The following WDR77 variants were observed in gnomAD, a reference collection of about 807,000 sequenced individuals.
WDR77 encodes the protein methylosome protein WDR77.
WDR77 carries 31 observed loss-of-function variants against 44.0 expected under a neutral mutation model. The observed-to-expected ratio is 0.70, with a 90% CI of 0.53 to 0.95. WDR77 has a LOEUF of 0.95. Ranked by LOEUF, WDR77 falls within the 40% of genes least tolerant of loss-of-function variation. The pLI, the probability that WDR77 is intolerant of heterozygous loss-of-function variation, is 0.00. For missense variants in WDR77, 390 were observed against 423.9 expected (o/e 0.92, Z 0.70); for synonymous variants, 186 against 165.7 (o/e 1.12, Z -0.94).
intron 1 of WDR77, 122 bp from the exon 2 acceptor site, chr1:111,448,926 G>GAC: frequency 6.5e-7 from 1 of 1,532,496 alleles, no homozygotes; most frequent in African/African-American, 1.4e-5. Context: ...CAGGGCTGGG[G>GAC]ACAGCTCGGT....
intron 3 of WDR77, 45 bp from the exon 4 acceptor site, chr1:111,447,189 T>C: frequency 6.2e-7 from 1 of 1,608,446 alleles, no homozygotes; most frequent in Non-Finnish European, 8.5e-7. Context: ...ACCTACACTA[T>C]CAACATAAAA....
At position 111,440,679 on chromosome 1, in the gene WDR77, T is replaced by C. The variant is rs1571363072; in HGVS notation, c.*551A>G. On this transcript the variant is annotated 3_prime_UTR_variant, in exon 10 of 10. Transcript: ENST00000235090. Reference sequence around the variant, plus strand: ...GATTCAGTTTAATGGTAAGGAGTTGTGTAAAACCGTACCAAGTCCTGCTTC... The same window carrying C: ...GATTCAGTTTAATGGTAAGGAGTTGCGTAAAACCGTACCAAGTCCTGCTTC... 6.6e-6 allele frequency: 1 copy of C among 152,250 alleles called. No individual in the cohort carries two copies. The highest frequency in any genetic ancestry group is 2.4e-5 in the African/African-American group (1 of 41,458). The allele number at this position is 152,250 out of a possible 1,614,324, so 9.4% of individuals were successfully genotyped here.
rs747107777 is a variant in WDR77 at position 111,442,727 on chromosome 1, G to A, written c.726C>T (p.Thr242=). 6.3e-7 allele frequency: 1 copy of A among 1,599,836 alleles called. No homozygotes were observed. Among genetic ancestry groups the A allele is most frequent in the Admixed American group, 1.7e-5 (1 of 59,436 alleles). The change falls in exon 8 of 10, where the codon ACC becomes ACT. Residue 242 remains threonine (T), a synonymous_variant. Transcript: ENST00000235090. The stretch of plus-strand genomic sequence containing the variant: ...AGCTCAGGACACAGCTTGTACTCTT[G>A]GTGTCCACAAGGGAGACTGTCCCAT... ...DENGTVSLVD[T]KSTSCVLSSA...
chr1:111,449,072 G>T lies in WDR77; in HGVS notation c.98C>A (p.Ala33Asp), dbSNP rs554247846. ...APACMERQLE[A>D]ARYRSDGALL... ...CGGCTCACCGGACCGGTACCGCGCA[G>T]CCTCCAACTGCCGTTCCATGCAGGC... The change falls in exon 1 of 10, where the codon GCT becomes GAT. Residue 33 changes from alanine (A) to aspartate (D), a missense_variant. Physicochemically the swap from Ala to Asp is moderately radical, Grantham distance 126. Transcript: ENST00000235090. 1.9e-6 allele frequency: 3 copies of T among 1,598,534 alleles called. No homozygotes were observed. In the African/African-American group the frequency reaches 4.0e-5, roughly 21 times the overall value.
Position 111,443,310 on chromosome 1 carries a change from C to G in WDR77, c.691+13G>C. 6.4e-7 allele frequency: 1 copy of G among 1,551,166 alleles called. No homozygotes were observed. ...TTCCCAGAGTCAATATGAAGTCTGA[C>G]ACGCTGCCTTACCAAAGACAAAGAC... On this transcript the variant is annotated intron_variant, in intron 7 of 9. Transcript: ENST00000235090.
At chr1:111,444,019 G>A (rs756230164) in intron 5 of WDR77, 35 bp downstream of exon 5, 9 of 1,613,584 alleles carry the variant, frequency 5.6e-6, no homozygotes, top group Non-Finnish European at 7.6e-6. Flanking sequence ...ATGGATGGCT[G>A]GAGTGTGTTT....
At chr1:111,445,700 G>C (rs1398314772) in intron 4 of WDR77, among the ~76,000 whole-genome samples, 1 of 152,134 alleles carries the variant, frequency 6.6e-6, no homozygotes, top group Non-Finnish European at 1.5e-5. Flanking sequence ...CTGAAAAAGA[G>C]TTAGCATTAA....
At chr1:111,447,397 G>A (rs1243393978) in intron 3 of WDR77, 38 bp downstream of exon 3, 4 of 1,612,464 alleles carry the variant, frequency 2.5e-6, no homozygotes, top group Non-Finnish European at 3.4e-6. Context: ...GCACCCACAG[G>A]AGGCTTAGAG....
At chr1:111,442,896 A>G in intron 7 of WDR77, 135 bp from the exon 8 acceptor site, 1 of 562,430 alleles carries the variant, frequency 1.8e-6, no homozygotes, top group Non-Finnish European at 3.1e-6. Context: ...AGTAGGAATA[A>G]TAAGTCACTG....
chr1:111,449,139 G>A lies in WDR77; in HGVS notation c.31C>T (p.Pro11Ser). Residue 11 changes from proline to serine, a missense_variant, in exon 1 of 10, where the codon CCC (proline) becomes TCC (serine). Physicochemically the swap from Pro to Ser is moderately conservative, Grantham distance 74. Coordinates refer to ENST00000235090, the MANE Select transcript of WDR77 (RefSeq NM_024102.4). MRKETPPPLV[P>S]PAAREWNLPP... is the part of the protein sequence containing the mutation. ...AGATTCCACTCCCGGGCCGCCGGGGGCACTAGGGGGGGTGGGGTTTCCTTC... is the reference window on the plus strand; with the variant it reads ...AGATTCCACTCCCGGGCCGCCGGGGACACTAGGGGGGGTGGGGTTTCCTTC... 1.3e-6 allele frequency: 2 copies of A among 1,595,114 alleles called. No individual in the cohort carries two copies. Among genetic ancestry groups the A allele is most frequent in the Non-Finnish European group, 1.7e-6 (2 of 1,175,170 alleles).
chr1:111,445,577 T>C (rs1166316328), intron 4 of WDR77, among the ~76,000 whole-genome samples: 4 of 152,004 alleles, frequency 2.6e-5, no homozygotes, highest in East Asian at 3.9e-4. Context: ...CTGGGCAACA[T>C]AGCAAGACTC....
At position 111,442,998 on chromosome 1, in the gene WDR77, C is replaced by T. The variant is rs74109557; in HGVS notation, c.692-237G>A. On this transcript the variant is annotated intron_variant, in intron 7 of 9. Coordinates refer to ENST00000235090, the MANE Select transcript of WDR77 (RefSeq NM_024102.4). ...ATACACAGCCTCATGACCACGATAG[C>T]GCTACACCTACCCACAGTAGGACAG... Among the ~76,000 whole-genome samples, 60 of 152,272 alleles carry T rather than the reference C, an allele frequency of 3.9e-4. 1 individual carries two copies. The highest frequency in any genetic ancestry group is 1.4e-3 in the African/African-American group (58 of 41,540).
In WDR77 at chr1:111,443,873, G is replaced by C; in HGVS notation, c.613C>G (p.Gln205Glu). The change falls in exon 6 of 10, where the codon CAG (glutamine) becomes GAG (glutamate). Residue 205 changes from glutamine to glutamate, a missense_variant. By Grantham distance (29) the Gln-to-Glu change is conservative. Coordinates refer to ENST00000235090, the MANE Select transcript of WDR77 (RefSeq NM_024102.4). ...WDTRCPKPAS[Q>E]IGCSAPGYLP... ...CAATGAATCTCAGACTCACCAATCT[G>C]TGATGCTGGCTTGGGACAGCGGGTA... The C allele has an allele frequency of 1.9e-6, 3 of 1,614,144 alleles. No homozygotes were observed. In the South Asian group the frequency reaches 3.3e-5, roughly 18 times the overall value.
Position 111,442,533 on chromosome 1 carries a change from C to A in WDR77, c.800+120G>T. The A allele has an allele frequency of 6.3e-6, 4 of 629,976 alleles. No individual in the cohort carries two copies. In the South Asian group the frequency reaches 1.1e-4, roughly 17 times the overall value. 39.0% of individuals were successfully genotyped at this position (629,976 alleles called of 1,614,324 possible). ...AGAGATCTTCGATGTTCCGAAACCT[C>A]AGCTAGAACACTGTCTGCTTTAAGG... On this transcript the variant is annotated intron_variant, in intron 8 of 9. Transcript: ENST00000235090.
In WDR77 at chr1:111,440,975, G is replaced by C. The variant is rs561940528; in HGVS notation, c.*255C>G. On this transcript the variant is annotated 3_prime_UTR_variant, in exon 10 of 10. Coordinates refer to ENST00000235090, the MANE Select transcript of WDR77 (RefSeq NM_024102.4). ...TGTAGGATGGATTTTTTTTATTCCT[G>C]CCACTACCAAAAACTATAAATCTAC... 3.6e-6 allele frequency: 1 copy of C among 276,334 alleles called. No homozygotes were observed. Among genetic ancestry groups the C allele is most frequent in the South Asian group, 1.7e-4 (1 of 5,984 alleles). 17.1% of individuals were successfully genotyped at this position (276,334 alleles called of 1,614,324 possible). A position where few individuals can be genotyped will look rare whatever the true frequency, so the allele number is the denominator to read the frequency against.
At position 111,449,207 on chromosome 1, in the gene WDR77, CGCCG is replaced by C; in HGVS notation, c.-42_-39del. 1 of 1,540,664 alleles carries C rather than the reference CGCCG, an allele frequency of 6.5e-7. No homozygotes were observed. Among genetic ancestry groups the C allele is most frequent in the East Asian group, 2.4e-5 (1 of 41,650 alleles). On this transcript the variant is annotated 5_prime_UTR_variant, in exon 1 of 10. Transcript: ENST00000235090. ...AACTCCAACCTAGACTCAAACTGGA[CGCCG>C]GCCGGAGACTCCGCTCCGGCAGCAA...
chr1:111,443,288 C>G lies in WDR77; in HGVS notation c.691+35G>C, dbSNP rs1251087310. The G allele has an allele frequency of 1.9e-6, 3 of 1,546,758 alleles. No homozygotes were observed. In the African/African-American group the frequency reaches 4.1e-5, roughly 21 times the overall value. ...TCTTTCTTTTTCCTCCTCCCCTTTCCCAGAGTCAATATGAAGTCTGACACG... is the reference window on the plus strand; with the variant it reads ...TCTTTCTTTTTCCTCCTCCCCTTTCGCAGAGTCAATATGAAGTCTGACACG... On this transcript the variant is annotated intron_variant, in intron 7 of 9. Coordinates refer to ENST00000235090, the MANE Select transcript of WDR77 (RefSeq NM_024102.4).
Position 111,443,313 on chromosome 1 carries a change from G to A in WDR77, c.691+10C>T, listed in dbSNP as rs1170829541. On this transcript the variant is annotated intron_variant, in intron 7 of 9. Transcript: ENST00000235090. ...CCAGAGTCAATATGAAGTCTGACAC[G>A]CTGCCTTACCAAAGACAAAGACTTC... 45 of 1,550,900 alleles carry A rather than the reference G, an allele frequency of 2.9e-5. No individual in the cohort carries two copies. The highest frequency in any genetic ancestry group is 3.6e-5 in the Non-Finnish European group (41 of 1,146,574).
rs1652771416 is a variant in WDR77 at position 111,440,722 on chromosome 1, G to A, written c.*508C>T. On this transcript the variant is annotated 3_prime_UTR_variant, in exon 10 of 10. Coordinates refer to ENST00000235090, the MANE Select transcript of WDR77 (RefSeq NM_024102.4). ...CCTGCTTCTTCCTCAGAGTGAGCTG[G>A]GCTGCATTTTTGTGACTGGAAGCAT... is the stretch of plus-strand genomic sequence containing the variant. 6.6e-6 allele frequency: 1 copy of A among 152,062 alleles called. No homozygotes were observed. Among genetic ancestry groups the A allele is most frequent in the Admixed American group, 6.5e-5 (1 of 15,268 alleles). 9.4% of individuals were successfully genotyped at this position (152,062 alleles called of 1,614,324 possible).
Sources: gnomAD v4.1 joint callset for allele counts (sites outside exome capture counted in the v4.1 genomes callset) on GRCh38, gnomAD v4.1.1 for gene constraint, MANE v1.5 for transcripts, NCBI Gene and HGNC (gene_info 2026-07-23, HGNC 2026-07-21) for gene names.